Variants in HOMER1 observed in about 807,000 individuals in gnomAD.
The protein encoded by HOMER1 is homer protein homolog 1.
Under a neutral mutation model 48.9 loss-of-function variants are expected in HOMER1, and 3 were observed. The ratio of observed to expected loss-of-function variants is 0.06; its 90% CI spans 0.03 to 0.16. The LOEUF is 0.16. Among genes scored for constraint, HOMER1 ranks in the 10% least tolerant of loss-of-function variants. The pLI, the probability that HOMER1 is intolerant of heterozygous loss-of-function variation, is 1.00. For missense variants in HOMER1, 247 were observed against 411.4 expected, an observed-to-expected ratio of 0.60 and a Z score of 3.46; for synonymous variants, 134 against 146.4, an observed-to-expected ratio of 0.92 and a Z score of 0.61.
chr5:79,429,250 G>A (rs1750354620), intron 5 of HOMER1, among the ~76,000 whole-genome samples: 1 of 152,066 alleles, frequency 6.6e-6, no homozygotes, highest in Non-Finnish European at 1.5e-5. Flanking sequence ...CAGCTACTCG[G>A]GAGGCTGAGA....
intron 8 of HOMER1, among the ~76,000 whole-genome samples, chr5:79,396,228 G>A (rs976996076): frequency 6.6e-6 from 1 of 151,860 alleles, no homozygotes; most frequent in Non-Finnish European, 1.5e-5. Flanking sequence ...ACTGAAGAAC[G>A]AAAAGTACTA....
chr5:79,430,910 A>C (rs1750404706), intron 5 of HOMER1, among the ~76,000 whole-genome samples: 4 of 152,158 alleles, frequency 2.6e-5, no homozygotes, highest in African/African-American at 9.7e-5. Context: ...CAACAGAGCA[A>C]GACTCTGTCT....
intron 1 of HOMER1, among the ~76,000 whole-genome samples, chr5:79,490,043 A>T (rs1752225833): frequency 6.6e-6 from 1 of 152,236 alleles, no homozygotes; most frequent in Non-Finnish European, 1.5e-5. Context: ...AGGTGATGTC[A>T]ATCACTGCAA....
chr5:79,408,263 A>G (rs1209499524), intron 5 of HOMER1, among the ~76,000 whole-genome samples: 1 of 152,222 alleles, frequency 6.6e-6, no homozygotes, highest in Non-Finnish European at 1.5e-5. Context: ...ACAGTGTTGA[A>G]AGAAAACAAT....
At chr5:79,485,492 T>C (rs1752072279) in intron 1 of HOMER1, among the ~76,000 whole-genome samples, 1 of 152,224 alleles carries the variant, frequency 6.6e-6, no homozygotes, top group East Asian at 1.9e-4. Flanking sequence ...TCCATTTTTT[T>C]CCACAAAGTT....
At chr5:79,404,198 A>G (rs1278296914) in intron 5 of HOMER1, among the ~76,000 whole-genome samples, 3 of 152,248 alleles carry the variant, frequency 2.0e-5, no homozygotes, top group African/African-American at 7.2e-5. Flanking sequence ...ACTGGAAGAA[A>G]CAACAATTAT....
rs1749614674 is a variant in HOMER1, at chr5:79,404,558, A to C, written c.528-2503T>G. Among the ~76,000 whole-genome samples the C allele has an allele frequency of 2.0e-5, 3 of 152,206 alleles. No homozygotes were observed. The South Asian group carries it at 6.2e-4, about 31-fold the overall frequency. On this transcript the variant is annotated intron_variant, in intron 5 of 8. Transcript: ENST00000334082. ...AATTAAAGTAAAAAATTCAGCTTTG[A>C]ATTTGAGACACATTTCATGCACTCA...
intron 3 of HOMER1, among the ~76,000 whole-genome samples, chr5:79,448,753 A>C (rs1312068222): frequency 6.6e-6 from 1 of 152,168 alleles, no homozygotes; most frequent in Non-Finnish European, 1.5e-5. Flanking sequence ...TTAGTCTACA[A>C]GGTAGCCTGA....
chr5:79,458,379 T>C (rs1334980090), intron 1 of HOMER1, among the ~76,000 whole-genome samples: 4 of 151,892 alleles, frequency 2.6e-5, no homozygotes, highest in Non-Finnish European at 5.9e-5. Flanking sequence ...AAAATTTTAA[T>C]TGGTAATATT....
intron 1 of HOMER1, 72 bp downstream of exon 1, chr5:79,512,698 A>C: frequency 7.0e-7 from 1 of 1,427,260 alleles, no homozygotes; most frequent in Non-Finnish European, 9.8e-7. Flanking sequence ...CACAAAACAC[A>C]ATCACCACCA....
At chr5:79,492,756 A>C (rs1425392572) in intron 1 of HOMER1, among the ~76,000 whole-genome samples, 1 of 152,112 alleles carries the variant, frequency 6.6e-6, no homozygotes, top group African/African-American at 2.4e-5. Context: ...TGGTCTTCCA[A>C]GATAAGAAAT....
intron 3 of HOMER1, among the ~76,000 whole-genome samples, chr5:79,449,924 AG>A (rs1750987190): frequency 6.6e-6 from 1 of 152,194 alleles, no homozygotes; most frequent in African/African-American, 2.4e-5. Flanking sequence ...GTTTATAATT[AG>A]AAGAAAATAA....
intron 5 of HOMER1, among the ~76,000 whole-genome samples, chr5:79,411,037 A>G (rs1302233018): frequency 6.6e-6 from 1 of 152,212 alleles, no homozygotes; most frequent in Non-Finnish European, 1.5e-5. Context: ...GGGCAAACCA[A>G]TTCTTTATTC....
intron 1 of HOMER1, among the ~76,000 whole-genome samples, chr5:79,490,288 T>A (rs1237737169): frequency 1.3e-5 from 2 of 151,954 alleles, no homozygotes; most frequent in African/African-American, 4.8e-5. Context: ...CTTTTATTTA[T>A]TTTTTTTATT....
intron 1 of HOMER1, among the ~76,000 whole-genome samples, chr5:79,461,992 AG>A (rs996860998): frequency 1.4e-4 from 22 of 152,178 alleles, no homozygotes; most frequent in African/African-American, 5.1e-4. Flanking sequence ...TGAGGTCAGG[AG>A]TTTGAGACCA....
At chr5:79,416,719 G>A (rs1160017519) in intron 5 of HOMER1, among the ~76,000 whole-genome samples, 3 of 152,134 alleles carry the variant, frequency 2.0e-5, no homozygotes, top group East Asian at 1.9e-4. Context: ...GAAATACAAG[G>A]GTGAAGAGCC....
intron 5 of HOMER1, among the ~76,000 whole-genome samples, chr5:79,434,652 CT>C (rs1750521975): frequency 6.6e-6 from 1 of 152,024 alleles, no homozygotes; most frequent in Non-Finnish European, 1.5e-5. Context: ...CATGATCTCC[CT>C]TTTTTACACG....
intron 1 of HOMER1, among the ~76,000 whole-genome samples, chr5:79,500,825 A>G (rs1282613379): frequency 6.6e-6 from 1 of 151,682 alleles, no homozygotes; most frequent in Admixed American, 6.6e-5. Flanking sequence ...GGGTTTTGCC[A>G]TGTTGGCCAG....
chr5:79,427,818 TTTCCTTCC>T (rs747388541), intron 5 of HOMER1, among the ~76,000 whole-genome samples: 2 of 141,620 alleles, frequency 1.4e-5, no homozygotes, highest in South Asian at 4.2e-4. Flanking sequence ...CCTTCCTTCT[TTTCCTTCC>T]TTCCTTCCTT....
Sources: gnomAD v4.1 joint callset for allele counts (sites outside exome capture counted in the v4.1 genomes callset) on GRCh38, gnomAD v4.1.1 for gene constraint, MANE v1.5 for transcripts, NCBI Gene and HGNC (gene_info 2026-07-23, HGNC 2026-07-21) for gene names.